The following MTMR7 variants were observed in gnomAD, a reference collection of about 807,000 sequenced individuals.
MTMR7 encodes the protein myotubularin related protein 7, also known as phosphatidylinositol-3-phosphate phosphatase MTMR7.
Under a neutral mutation model 81.2 loss-of-function variants are expected in MTMR7, and 76 were observed. The observed-to-expected ratio is 0.94, with a 90% CI of 0.78 to 1.13. The LOEUF is 1.13. Among genes scored for constraint, MTMR7 ranks in the 50% most tolerant of loss-of-function variants. The pLI, the probability that MTMR7 is intolerant of heterozygous loss-of-function variation, is 0.00. For synonymous variants in MTMR7, 372 were observed against 289.8 expected (o/e 1.28, Z -2.88); for missense variants, 1,044 against 820.0 (o/e 1.27, Z -3.34).
In MTMR7 at chr8:17,412,668, G is replaced by A. The variant is rs527463011; in HGVS notation, c.24+601C>T. Among the ~76,000 whole-genome samples, 11 of 152,192 alleles carry A rather than the reference G, an allele frequency of 7.2e-5. No individual in the cohort carries two copies. In the East Asian group the frequency reaches 1.7e-3, roughly 24 times the overall value. ...CGTAAGCTGCATCCTTTTCTCTAAC[G>A]AACAAAACGGACTGGAAAAGGCAAG... On this transcript the variant is annotated intron_variant, in intron 1 of 13. Transcript: ENST00000180173.
At chr8:17,362,598 G>A (rs750084521) in intron 3 of MTMR7, among the ~76,000 whole-genome samples, 20 of 152,222 alleles carry the variant, frequency 1.3e-4, no homozygotes, top group Non-Finnish European at 2.4e-4. Context: ...GCTGCAGAAG[G>A]CCTGCTCCTA....
At chr8:17,369,691 G>T (rs1164020239) in intron 3 of MTMR7, among the ~76,000 whole-genome samples, 3 of 143,220 alleles carry the variant, frequency 2.1e-5, no homozygotes, top group Non-Finnish European at 4.5e-5. Context: ...TGTCACCCAG[G>T]CTGGAGTGCA....
chr8:17,343,487 AG>A (rs1242944511), intron 5 of MTMR7, among the ~76,000 whole-genome samples: 2 of 152,210 alleles, frequency 1.3e-5, no homozygotes, highest in East Asian at 1.9e-4. Context: ...AGATTCCATC[AG>A]AAGGGTTAGA....
intron 7 of MTMR7, among the ~76,000 whole-genome samples, chr8:17,318,510 C>A (rs555105594): frequency 1.3e-5 from 2 of 152,224 alleles, no homozygotes; most frequent in East Asian, 3.9e-4. Context: ...ATGGACGGCT[C>A]CCACAAACAT....
At chr8:17,349,137 TG>T in intron 4 of MTMR7, 56 bp from the exon 5 acceptor site, 1 of 1,581,752 alleles carries the variant, frequency 6.3e-7, no homozygotes, top group Non-Finnish European at 8.6e-7. Context: ...CCCTGCGAAC[TG>T]CCCCCAGAAA....
intron 7 of MTMR7, among the ~76,000 whole-genome samples, chr8:17,313,642 T>C (rs1027104702): frequency 1.3e-5 from 2 of 152,176 alleles, no homozygotes; most frequent in African/African-American, 2.4e-5. Flanking sequence ...AAGTATTATA[T>C]ATATGTAAGG....
intron 1 of MTMR7, among the ~76,000 whole-genome samples, chr8:17,404,643 C>T (rs569837460): frequency 2.0e-5 from 3 of 152,196 alleles, no homozygotes; most frequent in African/African-American, 7.2e-5. Flanking sequence ...TACTAGCAGA[C>T]ACAATCCTAG....
At position 17,304,566 on chromosome 8, in the gene MTMR7, C is replaced by A. The variant is rs1224389075; in HGVS notation, c.1353-47G>T. 4 of 1,580,934 alleles carry A rather than the reference C, an allele frequency of 2.5e-6. No homozygotes were observed. In the African/African-American group the frequency reaches 5.4e-5, roughly 21 times the overall value. Reference sequence around the variant, plus strand: ...TATAAATGACCTATTTTGGTGCTTACACACAGTAGATATGTTATATTAATG... The same window carrying A: ...TATAAATGACCTATTTTGGTGCTTAAACACAGTAGATATGTTATATTAATG... On this transcript the variant is annotated intron_variant, in intron 11 of 13. Coordinates refer to ENST00000180173, the MANE Select transcript of MTMR7 (RefSeq NM_004686.5).
chr8:17,325,857 C>T (rs1035020502), intron 7 of MTMR7, among the ~76,000 whole-genome samples: 1 of 152,190 alleles, frequency 6.6e-6, no homozygotes, highest in African/African-American at 2.4e-5. Context: ...AAATACTTGC[C>T]TGGCTGACTG....
chr8:17,299,977 T>A lies in MTMR7; in HGVS notation c.1868A>T (p.Gln623Leu). 1 of 1,614,152 alleles carries A rather than the reference T, an allele frequency of 6.2e-7. No individual in the cohort carries two copies. Among genetic ancestry groups the A allele is most frequent in the South Asian group, 1.1e-5 (1 of 91,080 alleles). ...SDPDLSANSD[Q>L]ESGVEDLSCR... ...GCTCAAATCCTCCACCCCGGACTCT[T>A]GGTCACTGTTGGCTGACAGATCTGG... Residue 623 changes from glutamine (Q) to leucine (L), a missense_variant, in exon 14 of 14, where the codon CAA (glutamine) becomes CTA (leucine). Transcript: ENST00000180173.
At chr8:17,379,735 T>C (rs1316851208) in intron 1 of MTMR7, among the ~76,000 whole-genome samples, 2 of 152,186 alleles carry the variant, frequency 1.3e-5, no homozygotes, top group African/African-American at 4.8e-5. Flanking sequence ...CTGTTAGTCT[T>C]TTGGGAAAAA....
At chr8:17,390,805 C>G (rs1821083311) in intron 1 of MTMR7, among the ~76,000 whole-genome samples, 1 of 152,154 alleles carries the variant, frequency 6.6e-6, no homozygotes, top group South Asian at 2.1e-4. Flanking sequence ...CATCAGCTCT[C>G]ATGAGAACTC....
chr8:17,377,459 A>AAAG (rs1212808898), intron 1 of MTMR7, among the ~76,000 whole-genome samples: 1 of 152,064 alleles, frequency 6.6e-6, no homozygotes, highest in Non-Finnish European at 1.5e-5. Context: ...TTAGACAGGC[A>AAAG]AAGGTTTTTC....
At chr8:17,347,616 C>G (rs1819597445) in intron 5 of MTMR7, among the ~76,000 whole-genome samples, 2 of 152,202 alleles carry the variant, frequency 1.3e-5, no homozygotes, top group Non-Finnish European at 2.9e-5. Context: ...TTCTCTCTCA[C>G]CTTGCTAGAA....
At chr8:17,373,453 T>C (rs1005264762) in intron 1 of MTMR7, among the ~76,000 whole-genome samples, 1 of 152,180 alleles carries the variant, frequency 6.6e-6, no homozygotes, top group Non-Finnish European at 1.5e-5. Flanking sequence ...TACGAAAATA[T>C]GAGTTTAAAG....
chr8:17,411,661 A>G (rs547344455), intron 1 of MTMR7, among the ~76,000 whole-genome samples: 120 of 152,314 alleles, frequency 7.9e-4, no homozygotes, highest in Admixed American at 7.7e-3. Flanking sequence ...TTTCCAGATA[A>G]ATAAGGATTT....
rs1277882494 is a variant in MTMR7, at chr8:17,366,885, C to CAAAAAAAAAAAAAAAA, written c.310+4151_310+4152insTTTTTTTTTTTTTTTT. The stretch of plus-strand genomic sequence containing the variant: ...TGGATGACAGAGCGAGACTCCATCT[C>CAAAAAAAAAAAAAAAA]AAAAAAAAAAAAACTGTAGCTGAAA... On this transcript the variant is annotated intron_variant, in intron 3 of 13. Transcript: ENST00000180173. Among the ~76,000 whole-genome samples the CAAAAAAAAAAAAAAAA allele has an allele frequency of 1.7e-3, 147 of 87,956 alleles. 7 individuals are homozygous for CAAAAAAAAAAAAAAAA. The highest frequency in any genetic ancestry group is 4.9e-3 in the African/African-American group (84 of 16,970). 57.7% of individuals were successfully genotyped at this position (87,956 alleles called of 152,430 possible).
At chr8:17,337,678 C>T (rs1210240637) in intron 6 of MTMR7, among the ~76,000 whole-genome samples, 1 of 149,530 alleles carries the variant, frequency 6.7e-6, no homozygotes, top group East Asian at 2.1e-4. Flanking sequence ...TGCAGTGGCA[C>T]AATCACAGGT....
chr8:17,374,290 A>T (rs1820505164), intron 1 of MTMR7, among the ~76,000 whole-genome samples: 1 of 152,214 alleles, frequency 6.6e-6, no homozygotes, highest in South Asian at 2.1e-4. Flanking sequence ...GTTCAAGACC[A>T]GCCTGGCCAA....
Sources: allele counts gnomAD v4.1 joint callset (sites outside exome capture counted in the v4.1 genomes callset), GRCh38; gene constraint gnomAD v4.1.1; transcripts MANE v1.5; gene names NCBI Gene and HGNC (gene_info 2026-07-23, HGNC 2026-07-21).